Variants in FKBP1B observed in about 807,000 individuals in gnomAD.
FKBP1B encodes the protein peptidyl-prolyl cis-trans isomerase FKBP1B.
A neutral mutation model predicts 13.5 loss-of-function variants in FKBP1B; 4 were observed. The observed-to-expected ratio is 0.30, with a 90% CI of 0.15 to 0.68. The LOEUF is 0.68. FKBP1B is among the 30% of genes least tolerant of loss of function. The pLI, the probability that FKBP1B is intolerant of heterozygous loss-of-function variation, is 0.76. For missense variants in FKBP1B, 93 were observed against 136.2 expected (o/e 0.68, Z 1.58); for synonymous variants, 54 against 53.6 (o/e 1.01, Z -0.03).
chr2:24,036,042 C>G, the FKBP1B span, among the ~76,000 whole-genome samples: 1 of 148,038 alleles, frequency 6.8e-6, no homozygotes, highest in Non-Finnish European at 1.5e-5. Context: ...GCACTCCAGC[C>G]TGGTGACAGA....
chr2:24,044,592 A>G, the FKBP1B span, among the ~76,000 whole-genome samples: 1 of 152,134 alleles, frequency 6.6e-6, no homozygotes, highest in Admixed American at 6.6e-5. Context: ...TAGAAGAATG[A>G]ATTTTAATAT....
chr2:24,044,190 A>G, the FKBP1B span, among the ~76,000 whole-genome samples: 1,103 of 151,750 alleles, frequency 7.3e-3, 10 homozygotes, highest in African/African-American at 0.026. Context: ...TCTAATGTCA[A>G]TGAGGGTGTG....
the FKBP1B span, chr2:24,038,934 A>G: frequency 6.2e-7 from 1 of 1,614,208 alleles, no homozygotes; most frequent in African/African-American, 1.3e-5. Context: ...GAGTCTTCTG[A>G]GCGCTGTCCC....
the FKBP1B span, chr2:24,038,268 A>C: frequency 4.3e-6 from 7 of 1,614,066 alleles, no homozygotes; most frequent in Non-Finnish European, 5.1e-6. Flanking sequence ...ATGTTGTATC[A>C]GTGAGTTTTT....
the FKBP1B span, chr2:24,038,752 G>A: frequency 4.6e-5 from 74 of 1,614,012 alleles, no homozygotes; most frequent in African/African-American, 1.3e-4. Context: ...TAAAGCATAC[G>A]GAGTCATGTC....
At chr2:24,037,786 T>G in the FKBP1B span, 1 of 1,614,274 alleles carries the variant, frequency 6.2e-7, no homozygotes, top group Non-Finnish European at 8.5e-7. Flanking sequence ...CCGTTGCATT[T>G]CAACCAGGTT....
the FKBP1B span, chr2:24,039,529 G>A: frequency 6.3e-7 from 1 of 1,594,888 alleles, no homozygotes; most frequent in Non-Finnish European, 8.6e-7. Context: ...TGATTAAGAA[G>A]GAAAGTTACA....
chr2:24,062,448 A>C (rs994436923), intron 3 of FKBP1B, among the ~76,000 whole-genome samples: 1 of 151,862 alleles, frequency 6.6e-6, no homozygotes, highest in African/African-American at 2.4e-5. Context: ...CAAAGTGCTG[A>C]GATTACAGGT....
In FKBP1B at chr2:24,063,182, A is replaced by T; in HGVS notation, c.317A>T (p.Asn106Ile). Reference sequence around the variant, plus strand: ...CTCATCTTTGACGTGGAGCTGCTCAACTTAGAGTGAAGGCAGGAAGGAACT... The same window carrying T: ...CTCATCTTTGACGTGGAGCTGCTCATCTTAGAGTGAAGGCAGGAAGGAACT... ...ATLIFDVELL[N>I]LE is the part of the protein sequence containing the mutation. Residue 106 changes from asparagine to isoleucine, a missense_variant, in exon 4 of 4, where the codon AAC (asparagine) becomes ATC (isoleucine). Coordinates refer to ENST00000380986, the MANE Select transcript of FKBP1B (RefSeq NM_004116.5). 6.3e-7 allele frequency: 1 copy of T among 1,595,788 alleles called. No homozygotes were observed. Among genetic ancestry groups the T allele is most frequent in the Non-Finnish European group, 8.5e-7 (1 of 1,170,658 alleles).
At chr2:24,038,490 A>G in the FKBP1B span, 1 of 1,614,254 alleles carries the variant, frequency 6.2e-7, no homozygotes. Flanking sequence ...TGCCTGGAAT[A>G]GTGACTTTTC....
the FKBP1B span, among the ~76,000 whole-genome samples, chr2:24,036,358 T>A: frequency 6.6e-6 from 1 of 150,894 alleles, no homozygotes; most frequent in Non-Finnish European, 1.5e-5. Flanking sequence ...AAAAAAAAAA[T>A]TAGCCAAGTG....
upstream of FKBP1B, among the ~76,000 whole-genome samples, chr2:24,049,267 G>A (rs1663737140): frequency 6.6e-6 from 1 of 152,218 alleles, no homozygotes; most frequent in Non-Finnish European, 1.5e-5. Flanking sequence ...TTGGGTGGAG[G>A]CTGAGGAAGA....
chr2:24,035,333 G>A, the FKBP1B span, among the ~76,000 whole-genome samples: 2 of 130,134 alleles, frequency 1.5e-5, no homozygotes, highest in Non-Finnish European at 3.4e-5. Context: ...TGTAACAAAA[G>A]GGGAAATAAA....
chr2:24,053,847 C>T, intron 1 of FKBP1B, 55 bp from the exon 2 acceptor site: 13 of 1,521,480 alleles, frequency 8.5e-6, no homozygotes, highest in Non-Finnish European at 1.1e-5. Context: ...TACTTAATGT[C>T]CCAGGTGTTT....
upstream of FKBP1B, among the ~76,000 whole-genome samples, chr2:24,045,063 T>C (rs1663568992): frequency 6.6e-6 from 1 of 152,196 alleles, no homozygotes; most frequent in Non-Finnish European, 1.5e-5. Flanking sequence ...ATATGCAGAA[T>C]GGACCTGAGA....
At chr2:24,051,117 C>CTT (rs1663848490) in intron 1 of FKBP1B, among the ~76,000 whole-genome samples, 2 of 152,142 alleles carry the variant, frequency 1.3e-5, no homozygotes, top group Non-Finnish European at 2.9e-5. Context: ...GGGCGGATCA[C>CTT]AAGGTCAGGA....
rs10679224 is a variant in FKBP1B at position 24,059,894 on chromosome 2, C to CAAA, written c.86-898_86-896dup. ...TGGGCAACAGAGGGAGACTCCGACT[C>CAAA]AAAAAAAAAAAAAAAAAAAAAAAAG... On this transcript the variant is annotated intron_variant, in intron 2 of 3. Coordinates refer to ENST00000380986, the MANE Select transcript of FKBP1B (RefSeq NM_004116.5). Among the ~76,000 whole-genome samples, 194 of 49,660 alleles carry CAAA rather than the reference C, an allele frequency of 3.9e-3. 5 individuals carry two copies. The highest frequency in any genetic ancestry group is 4.9e-3 in the African/African-American group (63 of 12,846). 32.6% of individuals were successfully genotyped at this position (49,660 alleles called of 152,430 possible). A position where few individuals can be genotyped will look rare whatever the true frequency, so the allele number is the denominator to read the frequency against.
chr2:24,041,381 C>T, the FKBP1B span, among the ~76,000 whole-genome samples: 1 of 151,866 alleles, frequency 6.6e-6, no homozygotes, highest in Non-Finnish European at 1.5e-5. Context: ...CAGTGCCAGC[C>T]CCTTTAGCTC....
chr2:24,052,903 G>A (rs565900820), intron 1 of FKBP1B, among the ~76,000 whole-genome samples: 1 of 152,036 alleles, frequency 6.6e-6, no homozygotes, highest in Admixed American at 6.6e-5. Context: ...CCCAGGAAAG[G>A]TCAAGGCTGC....
Sources: allele counts gnomAD v4.1 joint callset (sites outside exome capture counted in the v4.1 genomes callset), GRCh38; gene constraint gnomAD v4.1.1; transcripts MANE v1.5; gene names NCBI Gene and HGNC (gene_info 2026-07-23, HGNC 2026-07-21).